DGKG: variants seen among roughly 807,000 people sequenced by gnomAD.
DGKG encodes the protein diacylglycerol kinase gamma.
In DGKG, 78 loss-of-function variants were observed where a neutral mutation model predicts 105.3. The ratio of observed to expected loss-of-function variants is 0.74; its 90% CI spans 0.62 to 0.89. The LOEUF (loss-of-function observed/expected upper bound fraction) is 0.89, where lower values mean the gene tolerates loss of function less well. Ranked by LOEUF, DGKG falls within the 40% of genes least tolerant of loss-of-function variation. The pLI, the probability that DGKG is intolerant of heterozygous loss-of-function variation, is 0.00. For synonymous variants in DGKG, 346 were observed against 367.1 expected, an observed-to-expected ratio of 0.94 and a Z score of 0.66; for missense variants, 958 against 1,020.1, an observed-to-expected ratio of 0.94 and a Z score of 0.83.
intron 24 of DGKG, among the ~76,000 whole-genome samples, chr3:186,151,653 A>G: frequency 6.6e-6 from 1 of 152,206 alleles, no homozygotes; most frequent in Non-Finnish European, 1.5e-5. Context: ...TGAAGAAATG[A>G]GGAAGCATGA....
chr3:186,291,281 A>T (rs1017765962), intron 5 of DGKG, among the ~76,000 whole-genome samples: 2 of 152,254 alleles, frequency 1.3e-5, no homozygotes, highest in African/African-American at 4.8e-5. Context: ...CAATGACATG[A>T]TAAGACATGA....
In DGKG at chr3:186,226,206, CA is replaced by C. The variant is rs1037160020; in HGVS notation, c.1827-14322del. Among the ~76,000 whole-genome samples, 4 of 152,164 alleles carry C rather than the reference CA, an allele frequency of 2.6e-5. No homozygotes were observed. The highest frequency in any genetic ancestry group is 4.4e-5 in the Non-Finnish European group (3 of 68,040). ...ATTATTGTGAATTTTAAGATTATACCACCAAGGCTTGATTATTAAGGGACAA... is the reference window on the plus strand; with the variant it reads ...ATTATTGTGAATTTTAAGATTATACCCCAAGGCTTGATTATTAAGGGACAA... On this transcript the variant is annotated intron_variant, in intron 20 of 24. Transcript: ENST00000265022. This position sits in a 1 kb window ranked among gnomAD's most constrained non-coding sequence, Gnocchi z 4.2.
chr3:186,355,463 T>A (rs552594787), intron 1 of DGKG, among the ~76,000 whole-genome samples: 3 of 145,382 alleles, frequency 2.1e-5, no homozygotes, highest in African/African-American at 7.7e-5. Context: ...ACCACCATTA[T>A]CATAACCCCC....
intron 1 of DGKG, among the ~76,000 whole-genome samples, chr3:186,325,285 A>G (rs1460245319): frequency 6.6e-6 from 1 of 152,198 alleles, no homozygotes; most frequent in Non-Finnish European, 1.5e-5. Context: ...GAAAAACTGA[A>G]AAATTGGGTA....
chr3:186,352,075 G>T (rs1391863183), intron 1 of DGKG, among the ~76,000 whole-genome samples: 1 of 152,104 alleles, frequency 6.6e-6, no homozygotes, highest in Non-Finnish European at 1.5e-5. Flanking sequence ...GCTTTTTCAA[G>T]GCCCCTCCCC....
chr3:186,268,603 G>T lies in DGKG; in HGVS notation c.1116+198C>A, dbSNP rs558603975. 3.4e-4 allele frequency among the ~76,000 whole-genome samples: 52 copies of T among 152,356 alleles called. 1 individual carries two copies. In the South Asian group the frequency reaches 0.01, roughly 30 times the overall value. On this transcript the variant is annotated intron_variant, in intron 12 of 24. Coordinates refer to ENST00000265022, the MANE Select transcript of DGKG (RefSeq NM_001346.3). ...CAGTCCTCACTCCCCTGGTTCGGGGGTGCCCTCTCTCTGGGCAGCTTGGTA... is the reference window on the plus strand; with the variant it reads ...CAGTCCTCACTCCCCTGGTTCGGGGTTGCCCTCTCTCTGGGCAGCTTGGTA...
intron 1 of DGKG, among the ~76,000 whole-genome samples, chr3:186,335,823 C>T (rs13071528): frequency 0.24 from 36,063 of 152,088 alleles, 4,420 homozygotes; most frequent in Middle Eastern, 0.35. Context: ...CAAGATTTCA[C>T]CTCCCAGGAC....
rs187033066 is a variant in DGKG at position 186,149,627 on chromosome 3, G to A, written c.*463C>T. The A allele has an allele frequency of 3.5e-3, 3,455 of 988,568 alleles. 9 individuals carry two copies. The highest frequency in any genetic ancestry group is 3.9e-3 in the Non-Finnish European group (3,249 of 831,688). The allele number at this position is 988,568 out of a possible 1,614,324, so 61.2% of individuals were successfully genotyped here. A position where few individuals can be genotyped will look rare whatever the true frequency, so the allele number is the denominator to read the frequency against. ...GGAGGCCGTTTTGTCTCTGTACAGA[G>A]GGAACTTTGTGCAAATTCTCTGGAA... is the stretch of plus-strand genomic sequence containing the variant. On this transcript the variant is annotated 3_prime_UTR_variant, in exon 25 of 25. Coordinates refer to ENST00000265022, the MANE Select transcript of DGKG (RefSeq NM_001346.3).
At chr3:186,357,191 C>T (rs937210466) in intron 1 of DGKG, among the ~76,000 whole-genome samples, 3 of 152,146 alleles carry the variant, frequency 2.0e-5, no homozygotes, top group African/African-American at 7.2e-5. Flanking sequence ...GGATGGGTTC[C>T]TTTCTCCCTC....
At chr3:186,177,045 T>C (rs867512694) in intron 22 of DGKG, among the ~76,000 whole-genome samples, 1 of 152,222 alleles carries the variant, frequency 6.6e-6, no homozygotes, top group Non-Finnish European at 1.5e-5. Flanking sequence ...TTGCTTACTG[T>C]TGGCTTTGTC....
chr3:186,299,843 T>TCTTTCTTTCTTTCTTTCTCTTTCTTTC (rs1424972244), intron 3 of DGKG, among the ~76,000 whole-genome samples: 1 of 130,170 alleles, frequency 7.7e-6, no homozygotes, highest in Non-Finnish European at 1.7e-5. Flanking sequence ...CTTTCTTTTT[T>TCTTTCTTTCTTTCTTTCTCTTTCTTTC]TTTTTTTTTG....
chr3:186,280,885 T>G (rs1722802279), intron 7 of DGKG, 141 bp from the exon 8 acceptor site: 1 of 653,610 alleles, frequency 1.5e-6, no homozygotes, highest in Non-Finnish European at 2.7e-6. Context: ...TGCCATTTTG[T>G]GAGGAGCTCA....
At chr3:186,266,480 A>G (rs1248447387) in intron 13 of DGKG, among the ~76,000 whole-genome samples, 1 of 152,206 alleles carries the variant, frequency 6.6e-6, no homozygotes, top group Non-Finnish European at 1.5e-5. Flanking sequence ...GGTGGAATAA[A>G]TGCTTGTATT....
At chr3:186,196,878 G>T (rs953037728) in intron 21 of DGKG, among the ~76,000 whole-genome samples, 1 of 152,200 alleles carries the variant, frequency 6.6e-6, no homozygotes, top group Non-Finnish European at 1.5e-5. Context: ...AACAGAGTCA[G>T]AGTCACCGTG....
chr3:186,261,469 G>T (rs1290758141), intron 15 of DGKG, among the ~76,000 whole-genome samples: 1 of 152,196 alleles, frequency 6.6e-6, no homozygotes, highest in Non-Finnish European at 1.5e-5. Flanking sequence ...GCTAAGCACC[G>T]TGTCTGTTCT....
chr3:186,239,043 A>G (rs984259940), intron 20 of DGKG, among the ~76,000 whole-genome samples: 1 of 152,182 alleles, frequency 6.6e-6, no homozygotes, highest in Non-Finnish European at 1.5e-5. Flanking sequence ...TACATTCAGT[A>G]CCTTAGTACA....
chr3:186,309,923 A>G (rs1419298252), intron 2 of DGKG, among the ~76,000 whole-genome samples: 1 of 152,122 alleles, frequency 6.6e-6, no homozygotes, highest in Non-Finnish European at 1.5e-5. Flanking sequence ...AGAAAAAAAT[A>G]GAAAAGACAT....
intron 22 of DGKG, among the ~76,000 whole-genome samples, chr3:186,183,999 C>T (rs1041038223): frequency 4.6e-5 from 7 of 152,154 alleles, no homozygotes; most frequent in African/African-American, 1.4e-4. Context: ...CCACCATGCC[C>T]GGCTGAGCTC....
chr3:186,184,630 C>A (rs1476991858), intron 22 of DGKG, among the ~76,000 whole-genome samples: 1 of 152,122 alleles, frequency 6.6e-6, no homozygotes. Context: ...AAACTCCTGA[C>A]CTCAAGTGAT....
Sources: gnomAD v4.1 joint callset for allele counts (sites outside exome capture counted in the v4.1 genomes callset) on GRCh38, gnomAD v4.1.1 for gene constraint, Gnocchi (gnomAD v3.1) non-coding constraint, MANE v1.5 for transcripts, NCBI Gene and HGNC (gene_info 2026-07-23, HGNC 2026-07-21) for gene names.